SMCHD1: variants seen among roughly 807,000 people sequenced by gnomAD.
SMCHD1 encodes structural maintenance of chromosomes flexible hinge domain-containing protein 1.
Under a neutral mutation model 254.7 loss-of-function variants are expected in SMCHD1, and 78 were observed. The observed-to-expected ratio is 0.31, with a 90% confidence interval of 0.26 to 0.37. The LOEUF (loss-of-function observed/expected upper bound fraction) is 0.37, where lower values mean the gene tolerates loss of function less well. Among genes scored for constraint, SMCHD1 ranks in the 10% least tolerant of loss-of-function variants. The pLI is 1.00. For missense variants in SMCHD1, 1,840 were observed against 2,408.1 expected, an observed-to-expected ratio of 0.76 and a Z score of 4.94; for synonymous variants, 766 against 794.9, an observed-to-expected ratio of 0.96 and a Z score of 0.61.
At chr18:2,714,531 T>A (rs909822179) in intron 17 of SMCHD1, among the ~76,000 whole-genome samples, 1 of 152,134 alleles carries the variant, frequency 6.6e-6, no homozygotes, top group African/African-American at 2.4e-5. Flanking sequence ...CTAGTTGCTT[T>A]GTAGATCCTT....
At position 2,697,920 on chromosome 18, in the gene SMCHD1, A is replaced by C; in HGVS notation, c.1221A>C (p.Ala407=). Residue 407 remains alanine, a synonymous_variant, in exon 10 of 48, where the codon GCA becomes GCC. Transcript: ENST00000320876. ...DDMQTLYVNT[A]ADSFEFKAHV... is the part of the protein sequence containing the mutation. The stretch of plus-strand genomic sequence containing the variant: ...TGCAGACGTTGTATGTAAACACAGC[A>C]GCTGATAGTTTTGAATTCAAAGCTC... 2.5e-6 allele frequency: 4 copies of C among 1,613,686 alleles called. No homozygotes were observed. Among genetic ancestry groups the C allele is most frequent in the Non-Finnish European group, 3.4e-6 (4 of 1,179,658 alleles).
chr18:2,744,043 G>T, intron 29 of SMCHD1, 115 bp downstream of exon 29: 1 of 887,294 alleles, frequency 1.1e-6, no homozygotes. Context: ...ACTAACAGTT[G>T]TTAACAGTAA....
At chr18:2,721,335 C>G (rs1404447706) in intron 19 of SMCHD1, among the ~76,000 whole-genome samples, 1 of 151,954 alleles carries the variant, frequency 6.6e-6, no homozygotes, top group East Asian at 1.9e-4. Flanking sequence ...GAGAACTGAT[C>G]TAGGTAGCTG....
chr18:2,725,684 T>C (rs1301133545), intron 21 of SMCHD1, among the ~76,000 whole-genome samples: 1 of 151,906 alleles, frequency 6.6e-6, no homozygotes, highest in Non-Finnish European at 1.5e-5. Context: ...TGTATTTTTT[T>C]CAAGTACTAT....
intron 47 of SMCHD1, 62 bp from the exon 48 acceptor site, chr18:2,802,466 G>T: frequency 7.6e-7 from 1 of 1,307,516 alleles, no homozygotes; most frequent in Non-Finnish European, 1.1e-6. Flanking sequence ...GGTGTGATGA[G>T]GGAATTCAGG....
chr18:2,720,703 A>G (rs909653184), intron 19 of SMCHD1, among the ~76,000 whole-genome samples: 2 of 152,200 alleles, frequency 1.3e-5, no homozygotes, highest in Non-Finnish European at 2.9e-5. Flanking sequence ...CGGTCCTCAT[A>G]TTTAGTATAT....
At chr18:2,709,464 C>T (rs757942161) in intron 17 of SMCHD1, among the ~76,000 whole-genome samples, 11 of 151,990 alleles carry the variant, frequency 7.2e-5, no homozygotes, top group Non-Finnish European at 1.0e-4. Flanking sequence ...GAGAAACTGC[C>T]GTACTGTTTT....
intron 1 of SMCHD1, among the ~76,000 whole-genome samples, chr18:2,659,160 C>G (rs919340273): frequency 6.6e-6 from 1 of 152,128 alleles, no homozygotes; most frequent in Non-Finnish European, 1.5e-5. Flanking sequence ...CTCTGTTGCC[C>G]GGGCTGGAGT....
intron 19 of SMCHD1, among the ~76,000 whole-genome samples, chr18:2,720,358 C>G (rs2074898487): frequency 6.6e-6 from 1 of 152,160 alleles, no homozygotes; most frequent in African/African-American, 2.4e-5. Flanking sequence ...CATTCTCTTC[C>G]TACTTCATGA....
chr18:2,732,282 A>G lies in SMCHD1; in HGVS notation c.3066A>G (p.Ala1022=). Residue 1022 remains alanine (A), a synonymous_variant, in exon 25 of 48, where the codon GCA becomes GCG. Transcript: ENST00000320876. The stretch of plus-strand genomic sequence containing the variant: ...CTTTCTAGAGTTGTAAAGATGTGGC[A>G]CCTGTGGAGAAGACTATTAAGTTGC... ...RIEIPSCKDV[A]PVEKTIKLLP... 6.2e-7 allele frequency: 1 copy of G among 1,613,496 alleles called. No homozygotes were observed.
At chr18:2,721,140 G>A (rs936149258) in intron 19 of SMCHD1, among the ~76,000 whole-genome samples, 1 of 152,130 alleles carries the variant, frequency 6.6e-6, no homozygotes, top group Non-Finnish European at 1.5e-5. Flanking sequence ...AGACTTATGG[G>A]CGTCTGATAA....
chr18:2,719,271 T>TCTCTCCC (rs1040681391), intron 19 of SMCHD1, among the ~76,000 whole-genome samples: 47 of 150,418 alleles, frequency 3.1e-4, no homozygotes, highest in East Asian at 3.9e-4. Flanking sequence ...TCCTCTCTCC[T>TCTCTCCC]CTCTCCCCTC....
chr18:2,803,201 T>TATATATATATATATATATAA lies in SMCHD1; in HGVS notation c.*666_*667insTAAATATATATATATATATA, dbSNP rs1243166435. The TATATATATATATATATATAA allele has an allele frequency of 7.2e-6, 1 of 138,780 alleles. No homozygotes were observed. The highest frequency in any genetic ancestry group is 1.6e-5 in the Non-Finnish European group (1 of 64,366). The allele number at this position is 138,780 out of a possible 1,614,324, so 8.6% of individuals were successfully genotyped here. ...TATCCTGTGTGTGTGTGTGTGTGTATATATATATATATATATAAATATATA... is the reference window on the plus strand; with the variant it reads ...TATCCTGTGTGTGTGTGTGTGTGTATATATATATATATATATATAAATATATATATATATATAAATATATA... On this transcript the variant is annotated 3_prime_UTR_variant, in exon 48 of 48. Transcript: ENST00000320876.
At chr18:2,675,967 A>G (rs1284713550) in intron 5 of SMCHD1, among the ~76,000 whole-genome samples, 3 of 152,212 alleles carry the variant, frequency 2.0e-5, no homozygotes, top group Admixed American at 6.5e-5. Flanking sequence ...ATCAGTTGTT[A>G]TTATAGCTGT....
intron 5 of SMCHD1, among the ~76,000 whole-genome samples, chr18:2,685,518 C>T (rs2074032630): frequency 6.6e-6 from 1 of 152,184 alleles, no homozygotes; most frequent in Non-Finnish European, 1.5e-5. Context: ...ATTACAGTCA[C>T]AGTCTTTTAC....
chr18:2,659,688 TG>T (rs1465700498), intron 1 of SMCHD1, among the ~76,000 whole-genome samples: 1 of 151,886 alleles, frequency 6.6e-6, no homozygotes, highest in East Asian at 1.9e-4. Flanking sequence ...TGTTTTTTGT[TG>T]TGCGGCTATT....
At position 2,750,398 on chromosome 18, in the gene SMCHD1, A is replaced by G; in HGVS notation, c.4056A>G (p.Ile1352Met). 1 of 1,612,816 alleles carries G rather than the reference A, an allele frequency of 6.2e-7. No individual in the cohort carries two copies. The highest frequency in any genetic ancestry group is 8.5e-7 in the Non-Finnish European group (1 of 1,179,126). The change falls in exon 32 of 48, where the codon ATA becomes ATG. Residue 1352 changes from isoleucine to methionine, a missense_variant. By Grantham distance (10) the Ile-to-Met change is conservative. This residue lies in a region of SMCHD1 where 881 missense variants were observed against 1,009.5 expected (regional missense o/e 0.87). Coordinates refer to ENST00000320876, the MANE Select transcript of SMCHD1 (RefSeq NM_015295.3). ...AAGCCATCTATAACAAAAGTATCAT[A>G]GAAGGACCTATAATTAAGTTAATGA... is the stretch of plus-strand genomic sequence containing the variant. ...QVKAIYNKSI[I>M]EGPIIKLMIL...
chr18:2,656,111 C>G lies in SMCHD1; in HGVS notation c.36C>G (p.Ala12=). ...CGGACGGCGGCGGGCCTGGTGGGGC[C>G]TCTGTGGGGACTGAGGAGGATGGCG... The part of the protein sequence containing the change: ...AAADGGGPGG[A]SVGTEEDGGG... The change falls in exon 1 of 48, where the codon GCC becomes GCG. Residue 12 remains alanine, a synonymous_variant. Coordinates refer to ENST00000320876, the MANE Select transcript of SMCHD1 (RefSeq NM_015295.3). The G allele has an allele frequency of 2.1e-6, 3 of 1,446,318 alleles. No homozygotes were observed. The highest frequency in any genetic ancestry group is 2.7e-6 in the Non-Finnish European group (3 of 1,099,108). 89.6% of individuals were successfully genotyped at this position (1,446,318 alleles called of 1,614,324 possible).
intron 1 of SMCHD1, among the ~76,000 whole-genome samples, chr18:2,662,625 A>G (rs989006746): frequency 6.6e-6 from 1 of 150,522 alleles, no homozygotes; most frequent in Non-Finnish European, 1.5e-5. Context: ...AGCCTGCACA[A>G]CAGAGCAAGA....
Sources: allele counts gnomAD v4.1 joint callset (sites outside exome capture counted in the v4.1 genomes callset), GRCh38; gene constraint gnomAD v4.1.1; regional missense constraint gnomAD v4.1.1; transcripts MANE v1.5; gene names NCBI Gene and HGNC (gene_info 2026-07-23, HGNC 2026-07-21).